The following DLG2 variants were observed in gnomAD, a reference collection of about 807,000 sequenced individuals.
DLG2 encodes disks large homolog 2.
A neutral mutation model predicts 132.5 loss-of-function variants in DLG2; 45 were observed. The ratio of observed to expected loss-of-function variants is 0.34; its 90% CI spans 0.27 to 0.44. The LOEUF (loss-of-function observed/expected upper bound fraction) is 0.44. DLG2 is among the 20% of genes least tolerant of loss of function. DLG2 has a pLI of 1.00. For missense variants in DLG2, 1,045 were observed against 1,196.9 expected (o/e 0.87, Z 1.87); for synonymous variants, 424 against 419.6 (o/e 1.01, Z -0.13).
At chr11:83,799,057 C>T (rs1431467657) in intron 17 of DLG2, among the ~76,000 whole-genome samples, 1 of 152,142 alleles carries the variant, frequency 6.6e-6, no homozygotes, top group Non-Finnish European at 1.5e-5. Flanking sequence ...ACTGCTTCCC[C>T]ACCTCACATT....
intron 19 of DLG2, among the ~76,000 whole-genome samples, chr11:83,558,673 A>G (rs1180816601): frequency 6.6e-6 from 1 of 152,206 alleles, no homozygotes; most frequent in Non-Finnish European, 1.5e-5. Flanking sequence ...ATGTGTCTGG[A>G]CTTGCCACTG....
intron 6 of DLG2, among the ~76,000 whole-genome samples, chr11:84,679,158 A>T (rs2099722458): frequency 6.8e-6 from 1 of 146,252 alleles, no homozygotes; most frequent in Admixed American, 7.0e-5. Context: ...TTGCTAAATA[A>T]AAGACAAAAA....
At chr11:83,477,616 A>G (rs1285659577) in intron 22 of DLG2, among the ~76,000 whole-genome samples, 2 of 152,098 alleles carry the variant, frequency 1.3e-5, no homozygotes, top group Non-Finnish European at 2.9e-5. Flanking sequence ...GTGAAACACA[A>G]GGGCCTAGGT....
chr11:84,224,917 C>T (rs1334346239), intron 8 of DLG2, among the ~76,000 whole-genome samples: 1 of 152,126 alleles, frequency 6.6e-6, no homozygotes, highest in African/African-American at 2.4e-5. Context: ...CCCCCAAGTC[C>T]CCTCTCCTTT....
chr11:85,050,542 C>T (rs1207158549), intron 6 of DLG2, among the ~76,000 whole-genome samples: 2 of 152,070 alleles, frequency 1.3e-5, no homozygotes, highest in African/African-American at 4.8e-5. Context: ...TCATTCCACT[C>T]CTCTCATGAT....
intron 6 of DLG2, among the ~76,000 whole-genome samples, chr11:84,660,471 T>G (rs935083219): frequency 4.6e-5 from 7 of 152,094 alleles, no homozygotes; most frequent in African/African-American, 1.7e-4. Flanking sequence ...GTGTCTTATC[T>G]CTATAACCTT....
chr11:84,624,786 C>A (rs1439902963), intron 6 of DLG2, among the ~76,000 whole-genome samples: 2 of 149,650 alleles, frequency 1.3e-5, no homozygotes, highest in Admixed American at 6.6e-5. Flanking sequence ...CATCTTAAGA[C>A]TAGCATGATA....
intron 6 of DLG2, among the ~76,000 whole-genome samples, chr11:84,607,164 T>A (rs943820232): frequency 1.3e-5 from 2 of 152,116 alleles, no homozygotes; most frequent in African/African-American, 4.8e-5. Flanking sequence ...GTCACTGGAA[T>A]GTCTTACTGT....
At chr11:83,660,829 C>T (rs1217792206) in intron 18 of DLG2, among the ~76,000 whole-genome samples, 1 of 152,120 alleles carries the variant, frequency 6.6e-6, no homozygotes, top group Non-Finnish European at 1.5e-5. Context: ...TCTCCCTCCT[C>T]CCATCTTGGT....
At chr11:84,446,285 A>T (rs558524083) in intron 7 of DLG2, among the ~76,000 whole-genome samples, 43 of 151,888 alleles carry the variant, frequency 2.8e-4, no homozygotes, top group Admixed American at 9.8e-4. Context: ...TTCTTCCTTT[A>T]TCATGATTTT....
intron 5 of DLG2, among the ~76,000 whole-genome samples, chr11:85,141,108 G>A (rs2076441064): frequency 6.6e-6 from 1 of 151,684 alleles, no homozygotes; most frequent in African/African-American, 2.4e-5. Flanking sequence ...TCAATCATAT[G>A]GTAATTTCTA....
At chr11:84,978,111 C>T (rs555479140) in intron 6 of DLG2, among the ~76,000 whole-genome samples, 1 of 152,080 alleles carries the variant, frequency 6.6e-6, no homozygotes, top group Non-Finnish European at 1.5e-5. Flanking sequence ...TTAAGGTACA[C>T]TGAAAATGTA....
At chr11:85,478,864 C>G (rs2093216269) in intron 3 of DLG2, among the ~76,000 whole-genome samples, 1 of 151,994 alleles carries the variant, frequency 6.6e-6, no homozygotes, top group Non-Finnish European at 1.5e-5. Context: ...ATCCTTAATG[C>G]ATAAAAACAA....
chr11:85,125,258 GTCT>G (rs1430695323), intron 5 of DLG2, among the ~76,000 whole-genome samples: 1 of 152,108 alleles, frequency 6.6e-6, no homozygotes, highest in African/African-American at 2.4e-5. Flanking sequence ...AATACTCTCA[GTCT>G]CATAGCTCTT....
intron 6 of DLG2, among the ~76,000 whole-genome samples, chr11:85,073,130 C>T (rs886955805): frequency 6.6e-6 from 1 of 151,734 alleles, no homozygotes; most frequent in Non-Finnish European, 1.5e-5. Flanking sequence ...ACATATTTTC[C>T]CTTTGCCATA....
chr11:84,112,428 GT>G (rs1029220613), intron 9 of DLG2, among the ~76,000 whole-genome samples: 6 of 123,376 alleles, frequency 4.9e-5, no homozygotes, highest in Non-Finnish European at 8.3e-5. Context: ...TGTTCCTGCT[GT>G]TTTTTTTCTA....
intron 6 of DLG2, among the ~76,000 whole-genome samples, chr11:84,584,632 C>CTGGGATTATA (rs1265178758): frequency 6.9e-6 from 1 of 144,076 alleles, no homozygotes; most frequent in Non-Finnish European, 1.5e-5. Flanking sequence ...TCCCAAAGTG[C>CTGGGATTATA]TGGGATTATA....
intron 18 of DLG2, among the ~76,000 whole-genome samples, chr11:83,708,566 T>A (rs1318916747): frequency 6.6e-6 from 1 of 152,208 alleles, no homozygotes; most frequent in Non-Finnish European, 1.5e-5. Context: ...ATACTTGGCT[T>A]TATGTACCTC....
chr11:85,392,213 A>C (rs934182243), intron 3 of DLG2, among the ~76,000 whole-genome samples: 2 of 152,152 alleles, frequency 1.3e-5, no homozygotes, highest in Non-Finnish European at 2.9e-5. Context: ...TAAAATACTT[A>C]GGAATATACT....
Sources: allele counts gnomAD v4.1 joint callset (sites outside exome capture counted in the v4.1 genomes callset), GRCh38; gene constraint gnomAD v4.1.1; transcripts MANE v1.5; gene names NCBI Gene and HGNC (gene_info 2026-07-23, HGNC 2026-07-21).